The following OTC variants were observed in gnomAD, a reference collection of about 807,000 sequenced individuals.
The protein encoded by OTC is ornithine transcarbamylase, mitochondrial.
In OTC, 3 loss-of-function variants were observed where a neutral mutation model predicts 30.3. That is an observed-to-expected ratio of 0.10 (90% CI 0.05 to 0.26). OTC has a LOEUF of 0.26. Ranked by LOEUF, OTC falls within the 10% of genes least tolerant of loss-of-function variation. The pLI is 1.00. For synonymous variants in OTC, 111 were observed against 99.7 expected (o/e 1.11, Z -0.67); for missense variants, 194 against 260.3 (o/e 0.75, Z 1.75).
the OTC span, among the ~76,000 whole-genome samples, chrX:38,338,471 C>T: frequency 8.9e-6 from 1 of 111,854 alleles, no homozygotes; most frequent in Non-Finnish European, 1.9e-5. Context: ...TTTTGTGACA[C>T]CGGTTTCTGA....
At chrX:38,346,638 A>G in the OTC span, among the ~76,000 whole-genome samples, 1 of 112,796 alleles carries the variant, frequency 8.9e-6, no homozygotes, top group Non-Finnish European at 1.9e-5. Flanking sequence ...GGAACATATT[A>G]GTGATACACA....
chrX:38,377,857 A>T, intron 3 of OTC, among the ~76,000 whole-genome samples: 1 of 110,896 alleles, frequency 9.0e-6, no homozygotes, highest in Non-Finnish European at 1.9e-5. Flanking sequence ...TCTTTTTTTT[A>T]GACGAAGTCT....
chrX:38,386,597 C>T (rs188456638), intron 4 of OTC, among the ~76,000 whole-genome samples: 1 of 110,817 alleles, frequency 9.0e-6, no homozygotes, highest in East Asian at 2.8e-4. Context: ...GCATAATGTT[C>T]TCCGCGTTCG....
intron 3 of OTC, among the ~76,000 whole-genome samples, chrX:38,380,870 A>G (rs2068372564): frequency 9.0e-6 from 1 of 111,564 alleles, no homozygotes; most frequent in Non-Finnish European, 1.9e-5. Context: ...CTGGGATTAC[A>G]GGCGCCTGCC....
chrX:38,344,240 T>TACAC, the OTC span, among the ~76,000 whole-genome samples: 137 of 61,734 alleles, frequency 2.2e-3, 1 homozygote, highest in East Asian at 0.011. Flanking sequence ...TATATATATA[T>TACAC]ACACACACAC....
At chrX:38,419,298 A>C (rs1361484981) in intron 9 of OTC, among the ~76,000 whole-genome samples, 6 of 111,937 alleles carry the variant, frequency 5.4e-5, no homozygotes, top group Non-Finnish European at 1.1e-4. Flanking sequence ...CCTTTTGTTC[A>C]AGATTGCTTT....
In OTC at chrX:38,359,047, G is replaced by A. The variant is rs188123838; in HGVS notation, c.77+6274G>A. Among the ~76,000 whole-genome samples, 4 of 112,015 alleles carry A rather than the reference G, an allele frequency of 3.6e-5. No individual in the cohort carries two copies. The East Asian group carries it at 1.1e-3, about 31-fold the overall frequency. ...CCCAAGAACCCTGACAACTTATTCT[G>A]TCCAAAAGGAGTTTGTGGCAAGAAA... On this transcript the variant is annotated intron_variant, in intron 1 of 9. Coordinates refer to ENST00000039007, the MANE Select transcript of OTC (RefSeq NM_000531.6).
At chrX:38,354,013 G>A (rs2068229365) in intron 1 of OTC, among the ~76,000 whole-genome samples, 1 of 111,808 alleles carries the variant, frequency 8.9e-6, no homozygotes, top group South Asian at 3.7e-4. Context: ...CACCACCCTT[G>A]CTGGCTATAT....
intron 8 of OTC, among the ~76,000 whole-genome samples, chrX:38,410,241 T>C (rs1369111738): frequency 8.9e-6 from 1 of 111,877 alleles, no homozygotes; most frequent in Non-Finnish European, 1.9e-5. Context: ...TGCAATGAAC[T>C]TGCTTATCCA....
the OTC span, among the ~76,000 whole-genome samples, chrX:38,327,928 A>C: frequency 8.9e-6 from 1 of 112,950 alleles, no homozygotes; most frequent in East Asian, 2.8e-4. Flanking sequence ...TCTGGCCTAT[A>C]CTGAATGCTC....
chrX:38,415,078 A>T (rs2068563540), intron 9 of OTC, among the ~76,000 whole-genome samples: 2 of 110,201 alleles, frequency 1.8e-5, no homozygotes, highest in Non-Finnish European at 3.8e-5. Flanking sequence ...TTATTATTTT[A>T]TTATTATTTT....
At chrX:38,392,611 C>T (rs2068434282) in intron 4 of OTC, among the ~76,000 whole-genome samples, 1 of 111,765 alleles carries the variant, frequency 8.9e-6, no homozygotes, top group South Asian at 3.7e-4. Context: ...AAGTAGATAC[C>T]AATGTCATTC....
chrX:38,410,426 T>C (rs2068537394), intron 8 of OTC, among the ~76,000 whole-genome samples: 1 of 112,176 alleles, frequency 8.9e-6, no homozygotes. Flanking sequence ...ATCCTCTCCA[T>C]GTTTAGCTTT....
At chrX:38,333,218 A>C in the OTC span, among the ~76,000 whole-genome samples, 1 of 107,706 alleles carries the variant, frequency 9.3e-6, no homozygotes, top group Non-Finnish European at 1.9e-5. Flanking sequence ...TCTGTCTCAA[A>C]AAAAAAAAAA....
intron 9 of OTC, among the ~76,000 whole-genome samples, chrX:38,415,993 C>T (rs1381409417): frequency 8.9e-6 from 1 of 112,297 alleles, no homozygotes. Flanking sequence ...ACATCGAACA[C>T]TTCCATCACT....
chrX:38,367,820 G>A (rs2068304511), intron 2 of OTC, among the ~76,000 whole-genome samples: 1 of 109,868 alleles, frequency 9.1e-6, no homozygotes, highest in South Asian at 4.0e-4. Context: ...CAGGTTCAAG[G>A]AATTCTCCCG....
At chrX:38,354,859 A>T (rs2068232652) in intron 1 of OTC, among the ~76,000 whole-genome samples, 1 of 111,886 alleles carries the variant, frequency 8.9e-6, no homozygotes, top group African/African-American at 3.3e-5. Flanking sequence ...TAAATTCAGA[A>T]TTTCTGGTCT....
Position 38,358,223 on chromosome X carries a change from G to A in OTC, c.77+5450G>A, listed in dbSNP as rs772529083. Among the ~76,000 whole-genome samples, 3 of 110,432 alleles carry A rather than the reference G, an allele frequency of 2.7e-5. No individual in the cohort carries two copies. The East Asian group carries it at 8.5e-4, about 31-fold the overall frequency. On this transcript the variant is annotated intron_variant, in intron 1 of 9. Transcript: ENST00000039007. ...GCAGTCTTACCTGGCTAATTCAAGC[G>A]TGGCTTTATCACCCAAAAGCAAGAA...
At chrX:38,329,615 A>G in the OTC span, among the ~76,000 whole-genome samples, 3 of 112,006 alleles carry the variant, frequency 2.7e-5, no homozygotes, top group Non-Finnish European at 5.6e-5. Context: ...GAAAATTGAA[A>G]GTATCTCTGA....
Sources: gnomAD v4.1 joint callset for allele counts (sites outside exome capture counted in the v4.1 genomes callset) on GRCh38, gnomAD v4.1.1 for gene constraint, MANE v1.5 for transcripts, NCBI Gene and HGNC (gene_info 2026-07-23, HGNC 2026-07-21) for gene names.